The following GRIK2 variants were observed in gnomAD, a reference collection of about 807,000 sequenced individuals.
GRIK2 encodes the protein glutamate receptor ionotropic, kainate 2.
A neutral mutation model predicts 100.3 loss-of-function variants in GRIK2; 32 were observed. The observed-to-expected ratio is 0.32, with a 90% CI of 0.24 to 0.43. The LOEUF (loss-of-function observed/expected upper bound fraction) is 0.43. Ranked by LOEUF, GRIK2 falls within the 20% of genes least tolerant of loss-of-function variation. The pLI is 1.00. For missense variants in GRIK2, 843 were observed against 1,114.9 expected, an observed-to-expected ratio of 0.76 and a Z score of 3.47; for synonymous variants, 417 against 389.4, an observed-to-expected ratio of 1.07 and a Z score of -0.83.
At chr6:101,736,664 A>G (rs1052677638) in intron 7 of GRIK2, among the ~76,000 whole-genome samples, 7 of 152,066 alleles carry the variant, frequency 4.6e-5, no homozygotes, top group African/African-American at 1.7e-4. Flanking sequence ...CCACAAAACC[A>G]GTTTTTCTTC....
chr6:101,872,451 T>C (rs1178242728), intron 11 of GRIK2, among the ~76,000 whole-genome samples: 2 of 151,806 alleles, frequency 1.3e-5, no homozygotes, highest in East Asian at 3.9e-4. Flanking sequence ...CATCAGATCA[T>C]GAGAACTCAC....
At chr6:102,061,962 G>A (rs1771774763) in intron 16 of GRIK2, among the ~76,000 whole-genome samples, 1 of 149,724 alleles carries the variant, frequency 6.7e-6, no homozygotes, top group South Asian at 2.1e-4. Context: ...GTGATGATTA[G>A]TATTATTTTT....
chr6:101,628,327 G>A (rs979836872), intron 4 of GRIK2, among the ~76,000 whole-genome samples: 1 of 151,756 alleles, frequency 6.6e-6, no homozygotes, highest in Non-Finnish European at 1.5e-5. Context: ...AGAGTGAAAT[G>A]CATCTAGATA....
chr6:101,593,278 A>G (rs939272333), intron 2 of GRIK2, among the ~76,000 whole-genome samples: 2 of 151,962 alleles, frequency 1.3e-5, no homozygotes, highest in Admixed American at 6.6e-5. Flanking sequence ...CTTCCTTCAT[A>G]AAGATTTCCC....
intron 2 of GRIK2, among the ~76,000 whole-genome samples, chr6:101,451,338 A>G (rs898254686): frequency 4.6e-5 from 7 of 151,762 alleles, no homozygotes; most frequent in African/African-American, 9.7e-5. Context: ...TATCTCTCTT[A>G]TAGCTCTTAA....
chr6:101,815,360 T>G (rs1781570805), intron 9 of GRIK2, among the ~76,000 whole-genome samples: 1 of 152,172 alleles, frequency 6.6e-6, no homozygotes, highest in East Asian at 1.9e-4. Context: ...AATCAGAACA[T>G]AAAATAAAAA....
intron 11 of GRIK2, among the ~76,000 whole-genome samples, chr6:101,875,246 G>T (rs967903457): frequency 7.9e-5 from 12 of 151,726 alleles, no homozygotes; most frequent in African/African-American, 7.3e-5. Flanking sequence ...CTTGTTGATA[G>T]GTGCAATTAG....
At chr6:102,017,263 G>A (rs1234449440) in intron 14 of GRIK2, among the ~76,000 whole-genome samples, 1 of 152,090 alleles carries the variant, frequency 6.6e-6, no homozygotes, top group Non-Finnish European at 1.5e-5. Flanking sequence ...AAGGTGGCAG[G>A]AGATGGAGAG....
At chr6:101,562,608 G>T (rs991394903) in intron 2 of GRIK2, among the ~76,000 whole-genome samples, 2 of 152,050 alleles carry the variant, frequency 1.3e-5, no homozygotes, top group Non-Finnish European at 2.9e-5. Context: ...CTCCCAAAGT[G>T]CTGGCATTAC....
intron 14 of GRIK2, among the ~76,000 whole-genome samples, chr6:101,988,460 A>C (rs1366746258): frequency 6.6e-6 from 1 of 151,840 alleles, no homozygotes; most frequent in Non-Finnish European, 1.5e-5. Flanking sequence ...GCAGCACAAT[A>C]CAGTGACAAA....
chr6:101,801,704 A>G (rs1315421736), intron 8 of GRIK2, among the ~76,000 whole-genome samples: 1 of 151,938 alleles, frequency 6.6e-6, no homozygotes, highest in Non-Finnish European at 1.5e-5. Context: ...TTTTTACGTT[A>G]AAAAAGTCCA....
At chr6:102,062,088 C>A (rs1771782178) in intron 16 of GRIK2, among the ~76,000 whole-genome samples, 1 of 149,362 alleles carries the variant, frequency 6.7e-6, no homozygotes, top group African/African-American at 2.4e-5. Context: ...CTCAATTTTT[C>A]TCCATCCCAT....
intron 16 of GRIK2, among the ~76,000 whole-genome samples, chr6:102,067,320 T>C (rs1443201171): frequency 2.0e-5 from 3 of 151,736 alleles, no homozygotes; most frequent in African/African-American, 4.8e-5. Context: ...ATAGTGGCCA[T>C]GCTGTGGAAC....
chr6:102,021,956 GAA>G (rs35132794), intron 14 of GRIK2, among the ~76,000 whole-genome samples: 1 of 140,742 alleles, frequency 7.1e-6, no homozygotes, highest in Non-Finnish European at 1.5e-5. Context: ...GATACATTCG[GAA>G]AAAAAAAAAA....
chr6:101,746,692 C>G (rs1472580054), intron 7 of GRIK2, among the ~76,000 whole-genome samples: 1 of 152,124 alleles, frequency 6.6e-6, no homozygotes, highest in Non-Finnish European at 1.5e-5. Context: ...TTCAAATTGA[C>G]TTGTTTGTTC....
chr6:101,857,320 A>T (rs2518203), intron 10 of GRIK2, among the ~76,000 whole-genome samples: 109,606 of 152,116 alleles, frequency 0.72, 41,805 homozygotes, highest in Middle Eastern at 0.86. Flanking sequence ...ACAACGTGCC[A>T]ATCTCTGACC....
intron 7 of GRIK2, among the ~76,000 whole-genome samples, chr6:101,748,266 C>T (rs1174125004): frequency 1.3e-5 from 2 of 152,068 alleles, no homozygotes; most frequent in Non-Finnish European, 2.9e-5. Flanking sequence ...TAGGGAAAGT[C>T]ATGAAATACA....
chr6:101,522,595 T>C (rs1041499975), intron 2 of GRIK2, among the ~76,000 whole-genome samples: 1 of 152,076 alleles, frequency 6.6e-6, no homozygotes, highest in East Asian at 1.9e-4. Flanking sequence ...TTTCTGGAAG[T>C]ATAATTTGCC....
chr6:101,442,003 AT>A (rs1770095186), intron 2 of GRIK2, among the ~76,000 whole-genome samples: 1 of 151,674 alleles, frequency 6.6e-6, no homozygotes, highest in Admixed American at 6.6e-5. Flanking sequence ...AATTTTTCCA[AT>A]TCTTGGGAGA....
Sources: allele counts gnomAD v4.1 joint callset (sites outside exome capture counted in the v4.1 genomes callset), GRCh38; gene constraint gnomAD v4.1.1; transcripts MANE v1.5; gene names NCBI Gene and HGNC (gene_info 2026-07-23, HGNC 2026-07-21).